TBC1D19: variants seen among roughly 807,000 people sequenced by gnomAD.
TBC1D19 encodes the protein TBC1 domain family, member 19.
In TBC1D19, 60 loss-of-function variants were observed where a neutral mutation model predicts 89.0. That is an observed-to-expected ratio of 0.67 (90% confidence interval 0.55 to 0.84). The LOEUF (loss-of-function observed/expected upper bound fraction) is 0.84, where lower values mean the gene tolerates loss of function less well. Among genes scored for constraint, TBC1D19 ranks in the 40% least tolerant of loss-of-function variants. TBC1D19 has a pLI of 0.00. For missense variants in TBC1D19, 500 were observed against 610.8 expected (o/e 0.82, Z 1.91); for synonymous variants, 189 against 199.7 (o/e 0.95, Z 0.45).
the TBC1D19 span, among the ~76,000 whole-genome samples, chr4:26,777,722 T>A: frequency 6.6e-6 from 1 of 152,162 alleles, no homozygotes; most frequent in Non-Finnish European, 1.5e-5. Context: ...GTGCTGGGAT[T>A]ACAGGTCTGA....
intron 19 of TBC1D19, among the ~76,000 whole-genome samples, chr4:26,752,976 C>T (rs2109336468): frequency 6.6e-6 from 1 of 152,130 alleles, no homozygotes; most frequent in African/African-American, 2.4e-5. Flanking sequence ...TTGTTTTCTA[C>T]TTAATGTATA....
chr4:26,688,117 T>G (rs1224935548), intron 12 of TBC1D19, among the ~76,000 whole-genome samples: 2 of 152,116 alleles, frequency 1.3e-5, no homozygotes, highest in Non-Finnish European at 1.5e-5. Context: ...AAATAAATAT[T>G]AAAGAATTAC....
intron 1 of TBC1D19, among the ~76,000 whole-genome samples, chr4:26,588,341 T>C (rs1456803352): frequency 6.6e-6 from 1 of 152,190 alleles, no homozygotes; most frequent in Non-Finnish European, 1.5e-5. Context: ...TCTTTTTCCC[T>C]AATTAATCTG....
the TBC1D19 span, among the ~76,000 whole-genome samples, chr4:26,807,146 G>A: frequency 6.6e-6 from 1 of 152,162 alleles, no homozygotes; most frequent in East Asian, 1.9e-4. Context: ...ACTACGGAGT[G>A]TGTTAGGGGT....
chr4:26,841,038 C>T, the TBC1D19 span, among the ~76,000 whole-genome samples: 1 of 152,070 alleles, frequency 6.6e-6, no homozygotes, highest in Non-Finnish European at 1.5e-5. Flanking sequence ...CTTGCACCTG[C>T]ATCTCTAGTC....
chr4:26,727,320 A>G (rs7672457), intron 15 of TBC1D19, among the ~76,000 whole-genome samples: 148,853 of 152,304 alleles, frequency 0.98, 72,818 homozygotes, highest in East Asian at 1. Flanking sequence ...TTATGCCTCC[A>G]GATTTTGTTT....
chr4:26,781,386 T>C, the TBC1D19 span, among the ~76,000 whole-genome samples: 5 of 152,144 alleles, frequency 3.3e-5, no homozygotes, highest in African/African-American at 1.2e-4. Context: ...GGATGTCAGT[T>C]CTCTCACCTC....
intron 1 of TBC1D19, among the ~76,000 whole-genome samples, chr4:26,577,314 T>C (rs1560390839): frequency 1.3e-5 from 2 of 152,068 alleles, no homozygotes; most frequent in Non-Finnish European, 2.9e-5. Context: ...TGTGTGTGTG[T>C]CTGTGTGTGT....
At chr4:26,577,472 C>A (rs1738998824) in intron 1 of TBC1D19, among the ~76,000 whole-genome samples, 1 of 152,230 alleles carries the variant, frequency 6.6e-6, no homozygotes. Context: ...AAACAGTCCC[C>A]TCCTGGGGAA....
chr4:26,818,985 G>A, the TBC1D19 span, among the ~76,000 whole-genome samples: 3 of 152,148 alleles, frequency 2.0e-5, no homozygotes, highest in African/African-American at 7.2e-5. Flanking sequence ...TAGCTTATTT[G>A]TGCAAACACT....
chr4:26,728,533 A>T (rs1717456495), intron 15 of TBC1D19, among the ~76,000 whole-genome samples: 1 of 152,204 alleles, frequency 6.6e-6, no homozygotes, highest in African/African-American at 2.4e-5. Flanking sequence ...AGATGGGCGG[A>T]AGAAAAAGAG....
At chr4:26,797,591 A>G in the TBC1D19 span, among the ~76,000 whole-genome samples, 1 of 152,228 alleles carries the variant, frequency 6.6e-6, no homozygotes, top group African/African-American at 2.4e-5. Context: ...AGCCAAAGTA[A>G]TCCTAAGCAA....
chr4:26,588,267 C>T lies in TBC1D19; in HGVS notation c.99+3975C>T, dbSNP rs193162223. Among the ~76,000 whole-genome samples the T allele has an allele frequency of 6.6e-5, 10 of 152,114 alleles. No homozygotes were observed. The East Asian group carries it at 1.4e-3, about 21-fold the overall frequency. On this transcript the variant is annotated intron_variant, in intron 1 of 20. Transcript: ENST00000264866. Reference sequence around the variant, plus strand: ...GTCTCGATCTCCTGACCTCGTGATCCGCCCGCCTTGGCCTCCTAAAGGGCT... The same window carrying T: ...GTCTCGATCTCCTGACCTCGTGATCTGCCCGCCTTGGCCTCCTAAAGGGCT...
chr4:26,775,994 GT>G, the TBC1D19 span, among the ~76,000 whole-genome samples: 1 of 151,890 alleles, frequency 6.6e-6, no homozygotes, highest in East Asian at 1.9e-4. Context: ...AAGGAGTAAA[GT>G]TTTTTTTGTC....
intron 8 of TBC1D19, 98 bp downstream of exon 8, chr4:26,659,805 C>G (rs1471150013): frequency 4.9e-6 from 3 of 616,292 alleles, no homozygotes; most frequent in South Asian, 3.8e-5. Context: ...GTAATCTACT[C>G]ATTAAACAAA....
chr4:26,583,547 A>G (rs1015149750), upstream of TBC1D19, among the ~76,000 whole-genome samples: 1 of 152,232 alleles, frequency 6.6e-6, no homozygotes, highest in African/African-American at 2.4e-5. Context: ...TTGTTAGATG[A>G]GACGAGATTG....
intron 7 of TBC1D19, among the ~76,000 whole-genome samples, chr4:26,642,262 G>A (rs562290769): frequency 6.6e-6 from 1 of 152,294 alleles, no homozygotes; most frequent in South Asian, 2.1e-4. Flanking sequence ...AGAAGAGACT[G>A]GGGGCCAATA....
chr4:26,825,607 G>A, the TBC1D19 span, among the ~76,000 whole-genome samples: 1 of 152,144 alleles, frequency 6.6e-6, no homozygotes, highest in Non-Finnish European at 1.5e-5. Context: ...TCAGTGACCT[G>A]CCACAAATTA....
At chr4:26,784,919 C>A in the TBC1D19 span, among the ~76,000 whole-genome samples, 3 of 152,164 alleles carry the variant, frequency 2.0e-5, no homozygotes, top group African/African-American at 4.8e-5. Flanking sequence ...TGAATGTTGA[C>A]CATGAAAATA....
Sources: gnomAD v4.1 joint callset for allele counts (sites outside exome capture counted in the v4.1 genomes callset) on GRCh38, gnomAD v4.1.1 for gene constraint, MANE v1.5 for transcripts, NCBI Gene and HGNC (gene_info 2026-07-23, HGNC 2026-07-21) for gene names.